Variants in HSD17B12 observed in about 807,000 individuals in gnomAD.
HSD17B12 encodes very-long-chain 3-oxoacyl-CoA reductase.
Under a neutral mutation model 39.3 loss-of-function variants are expected in HSD17B12, and 32 were observed. The ratio of observed to expected loss-of-function variants is 0.81; its 90% CI spans 0.61 to 1.09. The LOEUF (loss-of-function observed/expected upper bound fraction) is 1.09, where lower values mean the gene tolerates loss of function less well. Among genes scored for constraint, HSD17B12 ranks in the 50% least tolerant of loss-of-function variants. The pLI is 0.00. For synonymous variants in HSD17B12, 150 were observed against 146.7 expected (o/e 1.02, Z -0.16); for missense variants, 342 against 382.9 (o/e 0.89, Z 0.89).
the HSD17B12 span, among the ~76,000 whole-genome samples, chr11:43,615,686 G>A: frequency 2.6e-5 from 4 of 152,156 alleles, no homozygotes; most frequent in Non-Finnish European, 4.4e-5. Context: ...GTTGTCTAAA[G>A]TGTGAAAGCT....
intron 7 of HSD17B12, among the ~76,000 whole-genome samples, chr11:43,832,803 G>A (rs1407670136): frequency 6.6e-6 from 1 of 152,130 alleles, no homozygotes; most frequent in African/African-American, 2.4e-5. Context: ...GCTGAGGTGG[G>A]TGAATCACTT....
chr11:43,574,991 C>A, the HSD17B12 span, among the ~76,000 whole-genome samples: 1 of 152,204 alleles, frequency 6.6e-6, no homozygotes, highest in Admixed American at 6.5e-5. Flanking sequence ...CAGTAGCAAG[C>A]CGGACACTCC....
At chr11:43,598,789 CTCAG>C in the HSD17B12 span, among the ~76,000 whole-genome samples, 2 of 152,194 alleles carry the variant, frequency 1.3e-5, no homozygotes, top group African/African-American at 4.8e-5. Flanking sequence ...GCAGACAAGA[CTCAG>C]TCAGACCTCA....
At chr11:43,802,672 T>C (rs1950983028) in intron 4 of HSD17B12, among the ~76,000 whole-genome samples, 2 of 152,194 alleles carry the variant, frequency 1.3e-5, no homozygotes, top group African/African-American at 4.8e-5. Flanking sequence ...TTTCTGATTG[T>C]CCTTCTTGGC....
At chr11:43,609,356 T>C in the HSD17B12 span, among the ~76,000 whole-genome samples, 1 of 148,398 alleles carries the variant, frequency 6.7e-6, no homozygotes, top group Admixed American at 6.8e-5. Context: ...ATATATATAA[T>C]ATATAAACAA....
At chr11:43,707,813 A>T (rs1950029488) in intron 1 of HSD17B12, among the ~76,000 whole-genome samples, 2 of 152,220 alleles carry the variant, frequency 1.3e-5, no homozygotes. Context: ...GGACTATCTA[A>T]CAAAAAACTA....
At chr11:43,658,575 T>C in the HSD17B12 span, among the ~76,000 whole-genome samples, 1 of 152,192 alleles carries the variant, frequency 6.6e-6, no homozygotes, top group South Asian at 2.1e-4. Context: ...GTTTTTGGTG[T>C]AGATGTCCTT....
At chr11:43,591,259 T>C in the HSD17B12 span, among the ~76,000 whole-genome samples, 2 of 152,210 alleles carry the variant, frequency 1.3e-5, no homozygotes, top group Non-Finnish European at 2.9e-5. Flanking sequence ...AAAACAAACA[T>C]TTAAGCAAAC....
the HSD17B12 span, among the ~76,000 whole-genome samples, chr11:43,625,345 C>CA: frequency 6.6e-6 from 1 of 151,468 alleles, no homozygotes; most frequent in Admixed American, 6.6e-5. Flanking sequence ...TGGTCATAAT[C>CA]ACTAAGTGCT....
intron 1 of HSD17B12, chr11:43,734,326 A>G: frequency 9.5e-7 from 1 of 1,052,228 alleles, no homozygotes; most frequent in East Asian, 2.4e-5. Flanking sequence ...CTCAGCAGGA[A>G]GCAGAGAGGG....
At chr11:43,734,682 T>C in intron 1 of HSD17B12, 1 of 250,610 alleles carries the variant, frequency 4.0e-6, no homozygotes, top group Non-Finnish European at 7.9e-6. Context: ...ATGATTGGCT[T>C]AAAAAGTGAA....
chr11:43,787,995 G>A (rs1281187285), intron 3 of HSD17B12, among the ~76,000 whole-genome samples: 1 of 152,042 alleles, frequency 6.6e-6, no homozygotes, highest in African/African-American at 2.4e-5. Context: ...AATAAAAAGA[G>A]ATTACTTTTT....
rs1400436881 is a variant in HSD17B12, at chr11:43,680,807, A to G, written c.-21A>G. 2 of 1,593,208 alleles carry G rather than the reference A, an allele frequency of 1.3e-6. No homozygotes were observed. Among genetic ancestry groups the G allele is most frequent in the Non-Finnish European group, 1.7e-6 (2 of 1,161,028 alleles). ...ACTCGCTCTTTTCATTCACGAAGGT[A>G]GTGAGGCCTAGTGGAAAGCCATGGA... On this transcript the variant is annotated 5_prime_UTR_variant, in exon 1 of 11. Transcript: ENST00000278353.
intron 1 of HSD17B12, among the ~76,000 whole-genome samples, chr11:43,711,474 GTTTT>G (rs199831295): frequency 7.7e-6 from 1 of 129,610 alleles, no homozygotes; most frequent in Non-Finnish European, 1.7e-5. Flanking sequence ...TGGTTGGTTG[GTTTT>G]TTTTTTTTTT....
chr11:43,729,308 A>C (rs1182004741), intron 1 of HSD17B12, among the ~76,000 whole-genome samples: 1 of 152,208 alleles, frequency 6.6e-6, no homozygotes. Flanking sequence ...GTAGTGTCCT[A>C]ATCTTGTGAA....
At chr11:43,663,196 T>C in the HSD17B12 span, among the ~76,000 whole-genome samples, 1 of 152,132 alleles carries the variant, frequency 6.6e-6, no homozygotes, top group Non-Finnish European at 1.5e-5. Context: ...CGTTTCCGGA[T>C]TCAAGTGATT....
the HSD17B12 span, among the ~76,000 whole-genome samples, chr11:43,609,144 T>C: frequency 1.3e-5 from 2 of 151,778 alleles, no homozygotes; most frequent in Non-Finnish European, 2.9e-5. Flanking sequence ...TTCGTCATGT[T>C]GTCCAGACTG....
chr11:43,683,418 G>A (rs1949770388), intron 1 of HSD17B12, among the ~76,000 whole-genome samples: 1 of 151,874 alleles, frequency 6.6e-6, no homozygotes, highest in South Asian at 2.1e-4. Context: ...TGCTTAAGCA[G>A]AAGAAGTGAT....
chr11:43,760,247 G>A (rs749405914), intron 3 of HSD17B12, among the ~76,000 whole-genome samples: 2 of 151,762 alleles, frequency 1.3e-5, no homozygotes, highest in Admixed American at 6.6e-5. Flanking sequence ...ACAGGGTTTC[G>A]CCATGTTACC....
Sources: gnomAD v4.1 joint callset for allele counts (sites outside exome capture counted in the v4.1 genomes callset) on GRCh38, gnomAD v4.1.1 for gene constraint, MANE v1.5 for transcripts, NCBI Gene and HGNC (gene_info 2026-07-23, HGNC 2026-07-21) for gene names.